Variants in CCL18 observed in about 807,000 individuals in gnomAD.
CCL18 encodes C-C motif chemokine ligand 18.
In CCL18, 7 loss-of-function variants were observed where a neutral mutation model predicts 8.0. The observed-to-expected ratio is 0.87, with a 90% CI of 0.50 to 1.64. The LOEUF is 1.64. CCL18 is among the 40% of genes most tolerant of loss of function. The pLI is 0.00. For synonymous variants in CCL18, 35 were observed against 41.3 expected, an observed-to-expected ratio of 0.85 and a Z score of 0.59; for missense variants, 95 against 107.8, an observed-to-expected ratio of 0.88 and a Z score of 0.52.
intron 1 of CCL18, among the ~76,000 whole-genome samples, chr17:36,066,559 C>G (rs2066838107): frequency 6.6e-6 from 1 of 152,236 alleles, no homozygotes; most frequent in Non-Finnish European, 1.5e-5. Context: ...GTTGGGGTAC[C>G]TTGGGTCCCC....
intron 1 of CCL18, among the ~76,000 whole-genome samples, chr17:36,068,777 T>C (rs1416770821): frequency 6.6e-6 from 1 of 152,064 alleles, no homozygotes; most frequent in African/African-American, 2.4e-5. Context: ...GAAGGGGAGA[T>C]GTTTTAAGAA....
Position 36,071,093 on chromosome 17 carries a change from CAGGAG to C in CCL18, c.*53_*57del, listed in dbSNP as rs2066863790. On this transcript the variant is annotated 3_prime_UTR_variant, in exon 3 of 3. Coordinates refer to ENST00000616054, the MANE Select transcript of CCL18 (RefSeq NM_002988.4). ...TGAACTTGGTGGGCCCAGGAGGGAA[CAGGAG>C]CCTGAGCCAGGGCAATGGCCCTGCC... 7.5e-7 allele frequency: 1 copy of C among 1,331,674 alleles called. No individual in the cohort carries two copies. The highest frequency in any genetic ancestry group is 1.5e-5 in the African/African-American group (1 of 68,814). 82.5% of individuals were successfully genotyped at this position (1,331,674 alleles called of 1,614,324 possible).
intron 1 of CCL18, among the ~76,000 whole-genome samples, chr17:36,068,414 A>G (rs1208101843): frequency 1.3e-5 from 2 of 152,030 alleles, no homozygotes; most frequent in Non-Finnish European, 2.9e-5. Flanking sequence ...ATCAGAATGC[A>G]CATATGCCAC....
At chr17:36,070,930 C>G (rs1275342022) in intron 2 of CCL18, 21 bp from the exon 3 acceptor site, 1 of 1,576,674 alleles carries the variant, frequency 6.3e-7, no homozygotes, top group Admixed American at 1.7e-5. Flanking sequence ...CAGTTCTTAA[C>G]TCTTCCTCCC....
intron 1 of CCL18, 33 bp from the exon 2 acceptor site, chr17:36,070,414 T>C (rs1166763775): frequency 7.4e-7 from 1 of 1,356,412 alleles, no homozygotes; most frequent in Non-Finnish European, 1.1e-6. Flanking sequence ...TTGTGAACAA[T>C]GACTTGGGAT....
At chr17:36,064,655 T>C (rs1322157797) in intron 1 of CCL18, among the ~76,000 whole-genome samples, 2 of 152,200 alleles carry the variant, frequency 1.3e-5, no homozygotes, top group African/African-American at 2.4e-5. Context: ...CATTGGGTTA[T>C]TAGCGTGAGG....
intron 1 of CCL18, among the ~76,000 whole-genome samples, chr17:36,070,127 C>T (rs1367867360): frequency 6.6e-6 from 1 of 151,998 alleles, no homozygotes; most frequent in African/African-American, 2.4e-5. Flanking sequence ...CTTGGCTGTC[C>T]TTATGAATTC....
chr17:36,070,191 A>G (rs181039501), intron 1 of CCL18, among the ~76,000 whole-genome samples: 375 of 152,340 alleles, frequency 2.5e-3, no homozygotes, highest in Non-Finnish European at 3.8e-3. Flanking sequence ...TCAGAAAACT[A>G]AATTTCCAGT....
intron 1 of CCL18, among the ~76,000 whole-genome samples, chr17:36,066,567 C>T (rs2066838216): frequency 6.6e-6 from 1 of 152,140 alleles, no homozygotes; most frequent in Non-Finnish European, 1.5e-5. Context: ...ACCTTGGGTC[C>T]CCCAGGGGTT....
intron 1 of CCL18, among the ~76,000 whole-genome samples, chr17:36,064,762 T>G (rs2066828339): frequency 6.6e-6 from 1 of 152,200 alleles, no homozygotes; most frequent in Admixed American, 6.5e-5. Context: ...ACATAAAAGA[T>G]GTCTATACTT....
Position 36,071,744 on chromosome 17 carries a change from G to T in CCL18, c.*703G>T, listed in dbSNP as rs1308992263. ...AGATGACGCTGCAATGCATATTTAC[G>T]CACACAAGCTCATTTTCATAAATGA... is the stretch of plus-strand genomic sequence containing the variant. On this transcript the variant is annotated 3_prime_UTR_variant, in exon 3 of 3. Transcript: ENST00000616054. 1.3e-5 allele frequency: 2 copies of T among 152,106 alleles called. No homozygotes were observed. The allele number at this position is 152,106 out of a possible 1,614,324, so 9.4% of individuals were successfully genotyped here. A position where few individuals can be genotyped will look rare whatever the true frequency, so the allele number is the denominator to read the frequency against.
At chr17:36,065,889 A>G (rs1292060507) in intron 1 of CCL18, among the ~76,000 whole-genome samples, 1 of 152,176 alleles carries the variant, frequency 6.6e-6, no homozygotes, top group Non-Finnish European at 1.5e-5. Context: ...TCTTTTGGGT[A>G]GGAACTTCAT....
At chr17:36,067,133 G>A (rs1036986013) in intron 1 of CCL18, among the ~76,000 whole-genome samples, 2 of 152,166 alleles carry the variant, frequency 1.3e-5, no homozygotes, top group African/African-American at 2.4e-5. Flanking sequence ...CTATGGGAAT[G>A]ACAAGAATGA....
chr17:36,064,340 A>T lies in CCL18; in HGVS notation c.-3A>T. The T allele has an allele frequency of 6.2e-7, 1 of 1,613,854 alleles. No homozygotes were observed. Among genetic ancestry groups the T allele is most frequent in the Non-Finnish European group, 8.5e-7 (1 of 1,179,766 alleles). ...CTGACCACTTCTCTGCCTGCCCAGC[A>T]TCATGAAGGGCCTTGCAGCTGCCCT... On this transcript the variant is annotated 5_prime_UTR_variant, in exon 1 of 3. Transcript: ENST00000616054.
intron 1 of CCL18, among the ~76,000 whole-genome samples, chr17:36,068,724 G>C (rs1048051163): frequency 6.6e-6 from 1 of 152,140 alleles, no homozygotes; most frequent in Non-Finnish European, 1.5e-5. Context: ...TTGGGACCAC[G>C]AGGTGACAAG....
intron 1 of CCL18, among the ~76,000 whole-genome samples, chr17:36,066,722 A>G (rs1002029545): frequency 1.3e-5 from 2 of 152,240 alleles, no homozygotes; most frequent in Admixed American, 6.5e-5. Context: ...ACCACAGAGC[A>G]GCTCTCTAAT....
At chr17:36,069,932 C>T (rs533507099) in intron 1 of CCL18, among the ~76,000 whole-genome samples, 1 of 152,322 alleles carries the variant, frequency 6.6e-6, no homozygotes, top group South Asian at 2.1e-4. Context: ...TACAGAACAT[C>T]AGAGGGATTT....
rs372516775 is a variant in CCL18, at chr17:36,068,057, C to T, written c.68-2390C>T. ...GGCTGTACCATACAGTGAAGGTGTA[C>T]GGTAGACTACACCATCTAGGTTTGT... is the stretch of plus-strand genomic sequence containing the variant. On this transcript the variant is annotated intron_variant, in intron 1 of 2. Transcript: ENST00000616054. 5.3e-5 allele frequency among the ~76,000 whole-genome samples: 8 copies of T among 152,198 alleles called. No individual in the cohort carries two copies. In the East Asian group the frequency reaches 1.4e-3, roughly 26 times the overall value.
rs534802429 is a variant in CCL18, at chr17:36,069,252, T to C, written c.68-1195T>C. ...AAGGCTTTATCTAAAGACCTGCCCT[T>C]GTGAGAAGGCACCAGCTAACCCAGT... On this transcript the variant is annotated intron_variant, in intron 1 of 2. Transcript: ENST00000616054. 5.9e-5 allele frequency among the ~76,000 whole-genome samples: 9 copies of C among 152,284 alleles called. No homozygotes were observed. In the South Asian group the frequency reaches 1.9e-3, roughly 32 times the overall value.
Sources: gnomAD v4.1 joint callset for allele counts (sites outside exome capture counted in the v4.1 genomes callset) on GRCh38, gnomAD v4.1.1 for gene constraint, MANE v1.5 for transcripts, NCBI Gene and HGNC (gene_info 2026-07-23, HGNC 2026-07-21) for gene names.